The following HSPA12B variants were observed in gnomAD, a reference collection of about 807,000 sequenced individuals.
HSPA12B encodes heat shock 70 kDa protein 12B.
HSPA12B carries 54 observed loss-of-function variants against 69.3 expected under a neutral mutation model. The ratio of observed to expected loss-of-function variants is 0.78; its 90% confidence interval spans 0.63 to 0.98. The LOEUF (loss-of-function observed/expected upper bound fraction) is 0.98, where lower values mean the gene tolerates loss of function less well. Among genes scored for constraint, HSPA12B ranks in the 50% least tolerant of loss-of-function variants. The probability of loss-of-function intolerance (pLI) is 0.00; values close to 1 mark genes in which losing one functional copy is unlikely to be tolerated. For missense variants in HSPA12B, 929 were observed against 999.8 expected, an observed-to-expected ratio of 0.93 and a Z score of 0.96; for synonymous variants, 441 against 436.5, an observed-to-expected ratio of 1.01 and a Z score of -0.13.
Position 3,745,213 on chromosome 20 carries a change from G to C in HSPA12B, c.453+125G>C. 2.2e-6 allele frequency: 2 copies of C among 924,326 alleles called. No homozygotes were observed. The highest frequency in any genetic ancestry group is 3.2e-5 in the South Asian group (2 of 62,798). 57.3% of individuals were successfully genotyped at this position (924,326 alleles called of 1,614,324 possible). On this transcript the variant is annotated intron_variant, in intron 5 of 12. Coordinates refer to ENST00000254963, the MANE Select transcript of HSPA12B (RefSeq NM_052970.5). This position sits in a 1 kb window ranked among gnomAD's most constrained non-coding sequence, Gnocchi z 5.6. ...CCGATGGAGTCGTGGCTGAGAGGGG[G>C]CGGGGCTAAAGGGAGACGTCGGACT... is the stretch of plus-strand genomic sequence containing the variant.
At position 3,745,592 on chromosome 20, in the gene HSPA12B, C is replaced by T. The variant is rs1207635422; in HGVS notation, c.553C>T (p.Leu185Phe). The change falls in exon 6 of 13, where the codon CTT (leucine) becomes TTT (phenylalanine). Residue 185 changes from leucine (L) to phenylalanine (F), a missense_variant. Around this residue, in one of 3 missense-constraint regions of HSPA12B, gnomAD observed 477 missense variants for 535.2 expected, o/e 0.89. Coordinates refer to ENST00000254963, the MANE Select transcript of HSPA12B (RefSeq NM_052970.5). The surrounding 1 kb of genome is among the most constrained non-coding windows in gnomAD (Gnocchi z 5.6). The part of the protein sequence containing the change: ...HALRFFREHA[L>F]QELREQSPSL... ...CCTGCGCTTCTTCAGGGAGCACGCCCTTCAGGTGCGCTGCGGCCCCACCTC... is the reference window on the plus strand; with the variant it reads ...CCTGCGCTTCTTCAGGGAGCACGCCTTTCAGGTGCGCTGCGGCCCCACCTC... 1.2e-6 allele frequency: 2 copies of T among 1,613,486 alleles called. No individual in the cohort carries two copies. Among genetic ancestry groups the T allele is most frequent in the Non-Finnish European group, 1.7e-6 (2 of 1,179,582 alleles).
chr20:3,733,302 G>T (rs1055950288), intron 1 of HSPA12B, among the ~76,000 whole-genome samples: 1 of 152,166 alleles, frequency 6.6e-6, no homozygotes, highest in Non-Finnish European at 1.5e-5. Flanking sequence ...AGGTGGGGTG[G>T]GGTCCAGGTT....
At chr20:3,735,369 A>G (rs2088092838) in intron 1 of HSPA12B, among the ~76,000 whole-genome samples, 1 of 152,130 alleles carries the variant, frequency 6.6e-6, no homozygotes, top group Admixed American at 6.5e-5. Context: ...TCGCACAATG[A>G]GAGACGGTAG....
At chr20:3,743,184 C>CTTTTTTT (rs61614564) in intron 4 of HSPA12B, among the ~76,000 whole-genome samples, 3 of 139,340 alleles carry the variant, frequency 2.2e-5, no homozygotes, top group Admixed American at 7.3e-5. Flanking sequence ...CCAACCTGGC[C>CTTTTTTT]TTTTTTTTTT....
At position 3,748,233 on chromosome 20, in the gene HSPA12B, G is replaced by A. The variant is rs767196367; in HGVS notation, c.692G>A (p.Arg231Gln). The stretch of plus-strand genomic sequence containing the variant: ...CATCCCCAGGCTGGACTAGTGTCCC[G>A]AGAGAATGCAGAGCAGCTACTCATC... ...EAAYLAGLVS[R>Q]ENAEQLLIAL... The change falls in exon 8 of 13, where the codon CGA (arginine) becomes CAA (glutamine). Residue 231 changes from arginine (R) to glutamine (Q), a missense_variant. Arg to Gln is a conservative substitution (Grantham distance 43, BLOSUM62 1). This residue lies in a region of HSPA12B where 477 missense variants were observed against 535.2 expected (regional missense o/e 0.89). Coordinates refer to ENST00000254963, the MANE Select transcript of HSPA12B (RefSeq NM_052970.5). 1.6e-5 allele frequency: 25 copies of A among 1,580,792 alleles called. No individual in the cohort carries two copies. Among genetic ancestry groups the A allele is most frequent in the African/African-American group, 8.1e-5 (6 of 73,626 alleles).
Position 3,738,655 on chromosome 20 carries a change from C to G in HSPA12B, c.-17-3C>G. On this transcript the variant is annotated splice_polypyrimidine_tract_variant and splice_region_variant and intron_variant, in intron 1 of 12. Coordinates refer to ENST00000254963, the MANE Select transcript of HSPA12B (RefSeq NM_052970.5). ...CACTCTGCTTGTCTGTTCCTGTTGA[C>G]AGCTACAGGGCCTGCAAGGATGTTG... is the stretch of plus-strand genomic sequence containing the variant. 6.2e-7 allele frequency: 1 copy of G among 1,613,728 alleles called. No individual in the cohort carries two copies. The highest frequency in any genetic ancestry group is 1.6e-4 in the Middle Eastern group (1 of 6,062).
At position 3,746,017 on chromosome 20, in the gene HSPA12B, G is replaced by T; in HGVS notation, c.661G>T (p.Glu221Ter). ...WKQPAKQFMR[E>*]AAYLAGLVSR... is the part of the protein sequence containing the mutation. ...ACAGCCAGCCAAGCAGTTCATGCGG[G>T]AGGCTGCCTACCTGGTGAGGACGTG... is the stretch of plus-strand genomic sequence containing the variant. The change falls in exon 7 of 13, where the codon GAG becomes TAG. Residue 221 changes from glutamate (E) to a stop codon, truncating the protein, a stop_gained. Coordinates refer to ENST00000254963, the MANE Select transcript of HSPA12B (RefSeq NM_052970.5). LOFTEE classifies it high-confidence loss of function. The T allele has an allele frequency of 1.2e-6, 2 of 1,613,790 alleles. No individual in the cohort carries two copies. Among genetic ancestry groups the T allele is most frequent in the Non-Finnish European group, 1.7e-6 (2 of 1,179,784 alleles).
At position 3,744,903 on chromosome 20, in the gene HSPA12B, A is replaced by T; in HGVS notation, c.268A>T (p.Lys90Ter). 1 of 1,612,162 alleles carries T rather than the reference A, an allele frequency of 6.2e-7. No individual in the cohort carries two copies. The highest frequency in any genetic ancestry group is 8.5e-7 in the Non-Finnish European group (1 of 1,179,856). Reference protein sequence around the residue: ...SDPEAIHMMRKWEGGDPGVAH... With the variant: ...SDPEAIHMMR ...ACTGACTGCCCTGTGCCTCCGCAGG[A>T]AATGGGAGGGCGGAGACCCGGGCGT... The change falls in exon 5 of 13, where the codon AAA becomes TAA. Residue 90 changes from lysine to a stop codon, truncating the protein, a stop_gained and splice_region_variant. Transcript: ENST00000254963. LOFTEE classifies it high-confidence loss of function. This position sits in a 1 kb window ranked among gnomAD's most constrained non-coding sequence, Gnocchi z 4.9.
In HSPA12B at chr20:3,749,853, T is replaced by G. The variant is rs1434972204; in HGVS notation, c.1041T>G (p.Ser347=). The G allele has an allele frequency of 1.2e-6, 2 of 1,601,380 alleles. No homozygotes were observed. Among genetic ancestry groups the G allele is most frequent in the Non-Finnish European group, 1.7e-6 (2 of 1,174,362 alleles). The change falls in exon 10 of 13, where the codon TCT becomes TCG. Residue 347 remains serine, a splice_region_variant and synonymous_variant. Transcript: ENST00000254963. This position sits in a 1 kb window ranked among gnomAD's most constrained non-coding sequence, Gnocchi z 5.5. ...HGTLKELYKA[S]GGPYGAVGVD... ...CCCTCAAGGAGCTCTACAAGGCATC[T>G]GGTGAGTAGCCAGGCGGCGCCCCGG...
chr20:3,752,061 G>C lies in HSPA12B; in HGVS notation c.1956G>C (p.Glu652Asp), dbSNP rs376453290. The C allele has an allele frequency of 7.0e-5, 109 of 1,550,514 alleles. No homozygotes were observed. Among genetic ancestry groups the C allele is most frequent in the Admixed American group, 5.5e-4 (29 of 52,996 alleles). ...DTAGAPPGRR[E>D]IRAAMQFGDT... ...CCGGCGCGCCTCCCGGCCGCCGCGA[G>C]ATCCGCGCCGCCATGCAGTTTGGCG... The change falls in exon 13 of 13, where the codon GAG becomes GAC. Residue 652 changes from glutamate to aspartate, a missense_variant. Coordinates refer to ENST00000254963, the MANE Select transcript of HSPA12B (RefSeq NM_052970.5).
Position 3,749,891 on chromosome 20 carries a change from C to G in HSPA12B, c.1042+37C>G. 2.6e-6 allele frequency: 4 copies of G among 1,545,062 alleles called. No homozygotes were observed. The highest frequency in any genetic ancestry group is 3.5e-6 in the Non-Finnish European group (4 of 1,142,914). ...GGCGGCGCCCCGGTACCCAGCGCGACCCGGGCTCCGGCCCCGCCACTGCCC... is the reference window on the plus strand; with the variant it reads ...GGCGGCGCCCCGGTACCCAGCGCGAGCCGGGCTCCGGCCCCGCCACTGCCC... On this transcript the variant is annotated intron_variant, in intron 10 of 12. Coordinates refer to ENST00000254963, the MANE Select transcript of HSPA12B (RefSeq NM_052970.5). This position sits in a 1 kb window ranked among gnomAD's most constrained non-coding sequence, Gnocchi z 5.5.
intron 1 of HSPA12B, among the ~76,000 whole-genome samples, chr20:3,736,592 C>T (rs929517970): frequency 5.9e-5 from 9 of 152,326 alleles, no homozygotes; most frequent in African/African-American, 9.6e-5. Flanking sequence ...ATTGGCCCTG[C>T]GTAGCCTCCT....
rs558307326 is a variant in HSPA12B at position 3,750,383 on chromosome 20, G to A, written c.1301+156G>A. ...GCGTCGGGGTGGGGCGGCGGGGAGC[G>A]GCGAGTGAGTGCCCCAGCCCAGCAG... is the stretch of plus-strand genomic sequence containing the variant. On this transcript the variant is annotated intron_variant, in intron 11 of 12. Transcript: ENST00000254963. Among the ~76,000 whole-genome samples, 161 of 152,252 alleles carry A rather than the reference G, an allele frequency of 1.1e-3. 6 individuals carry two copies. In the South Asian group the frequency reaches 0.024, roughly 23 times the overall value.
intron 2 of HSPA12B, among the ~76,000 whole-genome samples, chr20:3,739,403 C>T (rs944235975): frequency 2.0e-5 from 3 of 152,224 alleles, no homozygotes; most frequent in African/African-American, 7.2e-5. Context: ...TGCGTCTGGC[C>T]ATAGCCTGGT....
Position 3,749,766 on chromosome 20 carries a change from G to A in HSPA12B, c.954G>A (p.Val318=). The change falls in exon 10 of 13, where the codon GTG becomes GTA. Residue 318 remains valine, a synonymous_variant. Coordinates refer to ENST00000254963, the MANE Select transcript of HSPA12B (RefSeq NM_052970.5). This position sits in a 1 kb window ranked among gnomAD's most constrained non-coding sequence, Gnocchi z 5.5. The part of the protein sequence containing the change: ...AEMQAGDRYV[V]ADCGGGTVDL... ...CCGCCGCAGGAGACCGCTACGTGGTGGCCGACTGCGGCGGAGGCACCGTGG... is the reference window on the plus strand; with the variant it reads ...CCGCCGCAGGAGACCGCTACGTGGTAGCCGACTGCGGCGGAGGCACCGTGG... 2 of 1,600,016 alleles carry A rather than the reference G, an allele frequency of 1.2e-6. No homozygotes were observed. Among genetic ancestry groups the A allele is most frequent in the Non-Finnish European group, 1.7e-6 (2 of 1,176,350 alleles).
In HSPA12B at chr20:3,744,699, G is replaced by A. The variant is rs551083082; in HGVS notation, c.267-203G>A. Among the ~76,000 whole-genome samples the A allele has an allele frequency of 6.6e-6, 1 of 152,310 alleles. No individual in the cohort carries two copies. Among genetic ancestry groups the A allele is most frequent in the South Asian group, 2.1e-4 (1 of 4,820 alleles). ...TACCTCTTGGCTACTTTAAATCCACGAAGACAGAATTCTGAATGGCCTTCT... is the reference window on the plus strand; with the variant it reads ...TACCTCTTGGCTACTTTAAATCCACAAAGACAGAATTCTGAATGGCCTTCT... On this transcript the variant is annotated intron_variant, in intron 4 of 12. Transcript: ENST00000254963. The surrounding 1 kb of genome is among the most constrained non-coding windows in gnomAD (Gnocchi z 4.9).
At chr20:3,742,962 C>T (rs1485417951) in intron 4 of HSPA12B, among the ~76,000 whole-genome samples, 1 of 151,994 alleles carries the variant, frequency 6.6e-6, no homozygotes, top group South Asian at 2.1e-4. Context: ...CAAGCTCTGC[C>T]TCCTGGGTTC....
intron 1 of HSPA12B, among the ~76,000 whole-genome samples, chr20:3,736,265 C>T (rs1339194619): frequency 2.0e-5 from 3 of 152,230 alleles, no homozygotes; most frequent in Non-Finnish European, 4.4e-5. Context: ...TTCTCCTCAA[C>T]AGCCAGCTGC....
chr20:3,747,714 G>A (rs1406969707), intron 7 of HSPA12B, among the ~76,000 whole-genome samples: 2 of 152,224 alleles, frequency 1.3e-5, no homozygotes, highest in Admixed American at 1.3e-4. Context: ...AGTTCTCCTG[G>A]AAGTGGGGTG....
Sources: allele counts gnomAD v4.1 joint callset (sites outside exome capture counted in the v4.1 genomes callset), GRCh38; gene constraint gnomAD v4.1.1; regional missense constraint gnomAD v4.1.1; non-coding constraint Gnocchi (gnomAD v3.1); transcripts MANE v1.5; gene names NCBI Gene and HGNC (gene_info 2026-07-23, HGNC 2026-07-21).